The following ASTN2 variants were observed in gnomAD, a reference collection of about 807,000 sequenced individuals.
ASTN2 encodes the protein astrotactin-2.
A neutral mutation model predicts 139.8 loss-of-function variants in ASTN2; 54 were observed. That is an observed-to-expected ratio of 0.39 (90% CI 0.31 to 0.48). The LOEUF (loss-of-function observed/expected upper bound fraction) is 0.48. Among genes scored for constraint, ASTN2 ranks in the 20% least tolerant of loss-of-function variants. ASTN2 has a pLI of 0.95. For synonymous variants in ASTN2, 756 were observed against 719.5 expected, an observed-to-expected ratio of 1.05 and a Z score of -0.81; for missense variants, 1,565 against 1,725.1, an observed-to-expected ratio of 0.91 and a Z score of 1.64.
intron 17 of ASTN2, among the ~76,000 whole-genome samples, chr9:116,623,384 A>G (rs927776112): frequency 3.3e-5 from 5 of 152,150 alleles, no homozygotes; most frequent in African/African-American, 1.2e-4. Flanking sequence ...TGCAATGGCC[A>G]GGCAAACACT....
At chr9:116,930,836 C>G (rs1421095905) in intron 10 of ASTN2, among the ~76,000 whole-genome samples, 1 of 152,120 alleles carries the variant, frequency 6.6e-6, no homozygotes, top group Non-Finnish European at 1.5e-5. Context: ...CACAACTACC[C>G]ACTTCCCCCG....
intron 13 of ASTN2, among the ~76,000 whole-genome samples, chr9:116,791,128 T>C (rs997300541): frequency 9.2e-5 from 14 of 152,286 alleles, no homozygotes; most frequent in Non-Finnish European, 1.6e-4. Flanking sequence ...GTGCTGGGAT[T>C]ACAGGCGTGA....
At chr9:116,920,329 A>G (rs1211676726) in intron 10 of ASTN2, among the ~76,000 whole-genome samples, 1 of 152,218 alleles carries the variant, frequency 6.6e-6, no homozygotes, top group Non-Finnish European at 1.5e-5. Context: ...GTGGCTTAAA[A>G]GCAGAAGAAT....
chr9:117,065,741 T>A (rs957561136), intron 5 of ASTN2, among the ~76,000 whole-genome samples: 1 of 152,190 alleles, frequency 6.6e-6, no homozygotes, highest in Admixed American at 6.5e-5. Flanking sequence ...AGCCACTGCA[T>A]CTCTATGCCT....
intron 13 of ASTN2, among the ~76,000 whole-genome samples, chr9:116,789,433 AT>A (rs1428830530): frequency 6.6e-6 from 1 of 152,232 alleles, no homozygotes; most frequent in Non-Finnish European, 1.5e-5. Context: ...ACATAAAAAA[AT>A]AAATGCTCAT....
chr9:117,206,053 T>G (rs761119074), intron 3 of ASTN2, among the ~76,000 whole-genome samples: 4 of 152,186 alleles, frequency 2.6e-5, no homozygotes. Context: ...AGGGGAGTGA[T>G]GTCAGCAAGA....
At chr9:116,822,440 C>T (rs1831513893) in intron 11 of ASTN2, among the ~76,000 whole-genome samples, 1 of 152,102 alleles carries the variant, frequency 6.6e-6, no homozygotes, top group African/African-American at 2.4e-5. Flanking sequence ...CAGAGGAAGC[C>T]CCTGCTTGTC....
intron 16 of ASTN2, among the ~76,000 whole-genome samples, chr9:116,694,799 A>G (rs1378817565): frequency 1.3e-5 from 2 of 151,962 alleles, no homozygotes; most frequent in African/African-American, 4.8e-5. Context: ...CAGTATGTCT[A>G]TGCTATTGCC....
At chr9:116,917,672 T>C (rs1834489386) in intron 10 of ASTN2, among the ~76,000 whole-genome samples, 1 of 152,214 alleles carries the variant, frequency 6.6e-6, no homozygotes, top group Admixed American at 6.5e-5. Flanking sequence ...TAATGACTTA[T>C]AAATACTGCA....
chr9:117,225,555 A>ATGTATG (rs1564490277), intron 2 of ASTN2, among the ~76,000 whole-genome samples: 1 of 103,108 alleles, frequency 9.7e-6, no homozygotes, highest in Admixed American at 1.0e-4. Flanking sequence ...ATATATATAT[A>ATGTATG]TATATATATA....
At chr9:116,614,297 C>A (rs539675308) in intron 19 of ASTN2, among the ~76,000 whole-genome samples, 4 of 152,250 alleles carry the variant, frequency 2.6e-5, no homozygotes, top group South Asian at 2.1e-4. Flanking sequence ...GCCATGCTGC[C>A]AAAGATAATT....
chr9:116,426,908 C>T (rs541390915), intron 22 of ASTN2, among the ~76,000 whole-genome samples: 40 of 152,224 alleles, frequency 2.6e-4, no homozygotes, highest in African/African-American at 9.4e-4. Context: ...GATAGCTACT[C>T]TTATAAGGGA....
At chr9:116,544,710 C>T (rs1279925502) in intron 19 of ASTN2, among the ~76,000 whole-genome samples, 4 of 152,276 alleles carry the variant, frequency 2.6e-5, no homozygotes, top group Non-Finnish European at 4.4e-5. Context: ...AAAGGTCACA[C>T]TTTGGATTAG....
At chr9:116,941,463 G>A (rs750416375) in intron 10 of ASTN2, among the ~76,000 whole-genome samples, 1 of 151,920 alleles carries the variant, frequency 6.6e-6, no homozygotes, top group Non-Finnish European at 1.5e-5. Context: ...CTAGTTTGAG[G>A]GCTGCCAGCA....
chr9:117,325,454 T>G (rs1057421251), intron 1 of ASTN2, among the ~76,000 whole-genome samples: 1 of 152,154 alleles, frequency 6.6e-6, no homozygotes, highest in African/African-American at 2.4e-5. Context: ...CTGGGCAGAC[T>G]GAGATTGATC....
At chr9:117,151,800 C>G (rs1046789765) in intron 3 of ASTN2, among the ~76,000 whole-genome samples, 2 of 152,174 alleles carry the variant, frequency 1.3e-5, no homozygotes, top group African/African-American at 2.4e-5. Context: ...GAGAATTCAT[C>G]TTCAAGCTAG....
At position 116,552,786 on chromosome 9, in the gene ASTN2, G is replaced by A. The variant is rs145505253; in HGVS notation, c.3356-65286C>T. On this transcript the variant is annotated intron_variant, in intron 19 of 22. Transcript: ENST00000313400. ...GTGCCCTAAAACTTGGCATCACCAG[G>A]GATGAGGTTTGGGGCCAGACACTCT... is the stretch of plus-strand genomic sequence containing the variant. 1.2e-4 allele frequency among the ~76,000 whole-genome samples: 19 copies of A among 152,298 alleles called. No individual in the cohort carries two copies. The East Asian group carries it at 3.7e-3, about 29-fold the overall frequency.
At chr9:116,446,189 C>T (rs1486232547) in intron 20 of ASTN2, among the ~76,000 whole-genome samples, 1 of 150,450 alleles carries the variant, frequency 6.6e-6, no homozygotes, top group East Asian at 2.0e-4. Context: ...CAAATCCATA[C>T]AGCAGGAGAG....
chr9:116,869,059 C>T (rs10983386), intron 10 of ASTN2, among the ~76,000 whole-genome samples: 58,045 of 151,786 alleles, frequency 0.38, 11,826 homozygotes, highest in Non-Finnish European at 0.46. Flanking sequence ...GTGGTGGGTG[C>T]CTGTAATCCC....
Sources: allele counts gnomAD v4.1 joint callset (sites outside exome capture counted in the v4.1 genomes callset), GRCh38; gene constraint gnomAD v4.1.1; transcripts MANE v1.5; gene names NCBI Gene and HGNC (gene_info 2026-07-23, HGNC 2026-07-21).